Variants in COL6A6 observed in about 807,000 individuals in gnomAD.
COL6A6 encodes the protein collagen type VI alpha 6 chain.
COL6A6 carries 183 observed loss-of-function variants against 208.6 expected under a neutral mutation model. That is an observed-to-expected ratio of 0.88 (90% confidence interval 0.78 to 0.99). The LOEUF (loss-of-function observed/expected upper bound fraction) is 0.99, where lower values mean the gene tolerates loss of function less well. COL6A6 is among the 50% of genes least tolerant of loss of function. The probability of loss-of-function intolerance (pLI) is 0.00; values close to 1 mark genes in which losing one functional copy is unlikely to be tolerated. For missense variants in COL6A6, 2,816 were observed against 2,815.2 expected, an observed-to-expected ratio of 1.00 and a Z score of -0.01; for synonymous variants, 973 against 1,011.8, an observed-to-expected ratio of 0.96 and a Z score of 0.73.
At chr3:130,642,774 C>A (rs1337953789) in intron 29 of COL6A6, 58 bp from the exon 30 acceptor site, 14 of 1,481,020 alleles carry the variant, frequency 9.5e-6, no homozygotes, top group Non-Finnish European at 1.3e-5. Context: ...TTGGTGCACA[C>A]TGGCTACTGA....
Position 130,571,228 on chromosome 3 carries a change from G to A in COL6A6, c.2812G>A (p.Asp938Asn). 2 of 1,614,014 alleles carry A rather than the reference G, an allele frequency of 1.2e-6. No individual in the cohort carries two copies. Among genetic ancestry groups the A allele is most frequent in the South Asian group, 1.1e-5 (1 of 91,062 alleles). ...CAATGCCACGGCAAAGGCCTTGCGG[G>A]ACAAAGGCATTCTTGTCCTGGCTGT... is the stretch of plus-strand genomic sequence containing the variant. ...KLNATAKALR[D>N]KGILVLAVGI... The change falls in exon 7 of 37, where the codon GAC (aspartate) becomes AAC (asparagine). Residue 938 changes from aspartate to asparagine, a missense_variant. Coordinates refer to ENST00000358511, the MANE Select transcript of COL6A6 (RefSeq NM_001102608.3).
chr3:130,592,509 A>G, intron 13 of COL6A6, 32 bp from the exon 14 acceptor site: 1 of 1,523,106 alleles, frequency 6.6e-7, no homozygotes, highest in Non-Finnish European at 8.9e-7. Context: ...TTACAATAGA[A>G]AAAGCTCATT....
Position 130,599,004 on chromosome 3 carries a change from G to A in COL6A6, c.4599+574G>A, listed in dbSNP as rs116295495. ...ATGACTGTACCTAGGAAAGAAGTAC[G>A]ATAAAGTGGAAAGAACTGTGCTTTG... On this transcript the variant is annotated intron_variant, in intron 19 of 36. Transcript: ENST00000358511. 6.5e-3 allele frequency among the ~76,000 whole-genome samples: 987 copies of A among 152,210 alleles called. 13 individuals are homozygous for A. The highest frequency in any genetic ancestry group is 0.022 in the African/African-American group (925 of 41,546).
intron 29 of COL6A6, among the ~76,000 whole-genome samples, chr3:130,642,243 A>ATGTGTGTGTGTGTGTGTGTG: frequency 7.0e-6 from 1 of 142,204 alleles, no homozygotes; most frequent in African/African-American, 2.6e-5. Flanking sequence ...GACAGATTAT[A>ATGTGTGTGTGTGTGTGTGTG]TGTGTGTGTG....
intron 1 of COL6A6, among the ~76,000 whole-genome samples, chr3:130,538,712 C>T (rs538644200): frequency 4.6e-4 from 70 of 152,324 alleles, no homozygotes; most frequent in African/African-American, 1.7e-3. Flanking sequence ...TACTAGCCTA[C>T]ACAGCCTTAC....
At chr3:130,555,752 G>T (rs116614503) in intron 1 of COL6A6, among the ~76,000 whole-genome samples, 1,619 of 150,918 alleles carry the variant, frequency 0.011, 24 homozygotes, top group African/African-American at 0.036. Context: ...GTGTTTTTTG[G>T]TTTTTTTTGT....
intron 21 of COL6A6, 111 bp from the exon 22 acceptor site, chr3:130,608,780 TTTTTTTTTTTG>T: frequency 3.4e-6 from 1 of 293,310 alleles, no homozygotes. Flanking sequence ...TTTTTTTTTT[TTTTTTTTTTTG>T]CAAAGATCCT....
chr3:130,648,142 A>T (rs1253883669), intron 32 of COL6A6, among the ~76,000 whole-genome samples: 1 of 152,262 alleles, frequency 6.6e-6, no homozygotes, highest in Non-Finnish European at 1.5e-5. Context: ...ATGAGTATGG[A>T]TGCATAAATA....
Position 130,574,162 on chromosome 3 carries a change from G to A in COL6A6, c.3184G>A (p.Glu1062Lys). 1 of 1,613,980 alleles carries A rather than the reference G, an allele frequency of 6.2e-7. No individual in the cohort carries two copies. The highest frequency in any genetic ancestry group is 2.2e-5 in the East Asian group (1 of 44,872). Residue 1062 changes from glutamate to lysine, a missense_variant, in exon 8 of 37, where the codon GAG (glutamate) becomes AAG (lysine). By Grantham distance (56) the Glu-to-Lys change is moderately conservative. Transcript: ENST00000358511. The stretch of plus-strand genomic sequence containing the variant: ...ACTGGGAACTTTCATAGGTGAAAAA[G>A]AGATATCATTTCAGATTGAAAACAT... ...FPLGTFIGEK[E>K]ISFQIENIKQ...
chr3:130,525,651 T>C (rs915023135), intron 1 of COL6A6, among the ~76,000 whole-genome samples: 28 of 151,736 alleles, frequency 1.8e-4, no homozygotes, highest in African/African-American at 6.8e-4. Flanking sequence ...AAGTCATGAG[T>C]AGGTCCTGCA....
chr3:130,565,292 T>A lies in COL6A6; in HGVS notation c.960T>A (p.Phe320Leu). ...TCAAAAAGCTCAGGAAGGAAGTTTT[T>A]AGTGCACGGAATGGCAGTCGGAAGA... is the stretch of plus-strand genomic sequence containing the variant. Reference protein sequence around the residue: ...AAIKKLRKEVFSARNGSRKNQ... With the variant: ...AAIKKLRKEVLSARNGSRKNQ... Residue 320 changes from phenylalanine to leucine, a missense_variant, in exon 4 of 37, where the codon TTT becomes TTA. Coordinates refer to ENST00000358511, the MANE Select transcript of COL6A6 (RefSeq NM_001102608.3). 6.2e-7 allele frequency: 1 copy of A among 1,614,002 alleles called. No homozygotes were observed. The highest frequency in any genetic ancestry group is 8.5e-7 in the Non-Finnish European group (1 of 1,179,894).
At chr3:130,590,958 A>G (rs957072194) in intron 12 of COL6A6, 83 bp from the exon 13 acceptor site, 3 of 1,019,980 alleles carry the variant, frequency 2.9e-6, no homozygotes, top group African/African-American at 3.2e-5. Flanking sequence ...ACATGAAGTA[A>G]AACTGTAAAA....
chr3:130,546,616 A>C (rs1335806715), intron 1 of COL6A6, among the ~76,000 whole-genome samples: 3 of 152,142 alleles, frequency 2.0e-5, no homozygotes, highest in Non-Finnish European at 4.4e-5. Context: ...TTTTACAGAG[A>C]GCTAATTGAT....
At chr3:130,542,374 G>T (rs950501906) in intron 1 of COL6A6, among the ~76,000 whole-genome samples, 1 of 151,658 alleles carries the variant, frequency 6.6e-6, no homozygotes, top group South Asian at 2.1e-4. Flanking sequence ...TAATTCCATT[G>T]TCATGTGAGA....
chr3:130,599,883 G>A (rs1360481932), intron 20 of COL6A6, 73 bp downstream of exon 20: 1 of 1,376,496 alleles, frequency 7.3e-7, no homozygotes, highest in South Asian at 1.2e-5. Context: ...CTGACTTTGG[G>A]GGAGTGGGTG....
intron 1 of COL6A6, among the ~76,000 whole-genome samples, chr3:130,518,379 A>G (rs1416388831): frequency 6.6e-6 from 1 of 152,246 alleles, no homozygotes; most frequent in African/African-American, 2.4e-5. Flanking sequence ...AAAATGTTCA[A>G]TGTTAAATTT....
intron 22 of COL6A6, among the ~76,000 whole-genome samples, 185 bp downstream of exon 22, chr3:130,609,149 G>C (rs1446098232): frequency 1.3e-5 from 2 of 152,162 alleles, no homozygotes; most frequent in South Asian, 4.1e-4. Flanking sequence ...TTTAAGTTTT[G>C]TCCCAGTCAA....
At position 130,590,299 on chromosome 3, in the gene COL6A6, A is replaced by ATTTTT. The variant is rs71133610; in HGVS notation, c.4219-716_4219-712dup. 4.5e-3 allele frequency among the ~76,000 whole-genome samples: 41 copies of ATTTTT among 9,178 alleles called. 10 individuals carry two copies. Among genetic ancestry groups the ATTTTT allele is most frequent in the South Asian group, 5.3e-3 (1 of 190 alleles). 6.0% of individuals were successfully genotyped at this position (9,178 alleles called of 152,430 possible). A position where few individuals can be genotyped will look rare whatever the true frequency, so the allele number is the denominator to read the frequency against. Reference sequence around the variant, plus strand: ...TATATATATATATATATATATATATATTTTTTTTTTTTTTTTTTTTTTTTT... The same window carrying ATTTTT: ...TATATATATATATATATATATATATATTTTTTTTTTTTTTTTTTTTTTTTTTTTTT... On this transcript the variant is annotated intron_variant, in intron 12 of 36. Transcript: ENST00000358511.
intron 9 of COL6A6, 40 bp from the exon 10 acceptor site, chr3:130,581,950 C>T: frequency 6.3e-7 from 1 of 1,583,016 alleles, no homozygotes; most frequent in Non-Finnish European, 8.6e-7. Context: ...TGCAATGAAC[C>T]CTTTTTAATT....
Sources: allele counts gnomAD v4.1 joint callset (sites outside exome capture counted in the v4.1 genomes callset), GRCh38; gene constraint gnomAD v4.1.1; transcripts MANE v1.5; gene names NCBI Gene and HGNC (gene_info 2026-07-23, HGNC 2026-07-21).